The following XYLB variants were observed in gnomAD, a reference collection of about 807,000 sequenced individuals.
XYLB encodes the protein xylulokinase, also known as xylulose kinase.
In XYLB, 62 loss-of-function variants were observed where a neutral mutation model predicts 78.7. The observed-to-expected ratio is 0.79, with a 90% CI of 0.64 to 0.97. The LOEUF (loss-of-function observed/expected upper bound fraction) is 0.97. XYLB is among the 50% of genes least tolerant of loss of function. The pLI, the probability that XYLB is intolerant of heterozygous loss-of-function variation, is 0.00. For synonymous variants in XYLB, 245 were observed against 247.4 expected (o/e 0.99, Z 0.09); for missense variants, 687 against 676.8 (o/e 1.02, Z -0.17).
intron 4 of XYLB, 100 bp from the exon 5 acceptor site, chr3:38,365,099 G>A (rs1419861230): frequency 5.7e-6 from 6 of 1,047,768 alleles, no homozygotes; most frequent in South Asian, 2.8e-5. Flanking sequence ...CAGGTGTGGA[G>A]CCCAGTTCTT....
chr3:38,403,543 T>C (rs940859568), intron 18 of XYLB, among the ~76,000 whole-genome samples: 8 of 152,180 alleles, frequency 5.3e-5, no homozygotes, highest in South Asian at 2.1e-4. Flanking sequence ...GAAGGTGACA[T>C]TGGGCAGAGA....
intron 2 of XYLB, 73 bp downstream of exon 2, chr3:38,348,705 G>C: frequency 7.2e-7 from 1 of 1,387,966 alleles, no homozygotes; most frequent in East Asian, 2.3e-5. Context: ...TTTTGTATTC[G>C]CAGACCGCAC....
At chr3:38,420,775 C>A (rs1277333853), downstream of XYLB, among the ~76,000 whole-genome samples, 1 of 152,010 alleles carries the variant, frequency 6.6e-6, no homozygotes, top group African/African-American at 2.4e-5. Flanking sequence ...GTAGCAAGCC[C>A]TAACCCTGTC....
At chr3:38,391,727 C>T (rs1164911297) in intron 15 of XYLB, among the ~76,000 whole-genome samples, 2 of 152,134 alleles carry the variant, frequency 1.3e-5, no homozygotes, top group East Asian at 1.9e-4. Context: ...ATTAATGCCA[C>T]TATAAAAGTG....
At chr3:38,384,299 C>T (rs1284794885) in intron 15 of XYLB, among the ~76,000 whole-genome samples, 1 of 152,204 alleles carries the variant, frequency 6.6e-6, no homozygotes, top group Non-Finnish European at 1.5e-5. Flanking sequence ...CTTCTGACCT[C>T]AAATGATCCA....
chr3:38,388,828 G>C (rs577887780), intron 15 of XYLB, among the ~76,000 whole-genome samples: 1 of 152,152 alleles, frequency 6.6e-6, no homozygotes, highest in Admixed American at 6.5e-5. Context: ...TTTCTAAAGA[G>C]GACTATTTTG....
downstream of XYLB, among the ~76,000 whole-genome samples, chr3:38,415,946 C>A (rs1301507546): frequency 1.3e-5 from 2 of 152,060 alleles, no homozygotes; most frequent in Non-Finnish European, 2.9e-5. Flanking sequence ...AAAGAGAGAG[C>A]ATGGACGCAC....
At chr3:38,444,950 C>T in the XYLB span, among the ~76,000 whole-genome samples, 6 of 152,190 alleles carry the variant, frequency 3.9e-5, no homozygotes, top group Admixed American at 6.5e-5. Flanking sequence ...TGGCCCTTAC[C>T]GACACATTCT....
At chr3:38,418,214 G>T (rs1481479158), downstream of XYLB, among the ~76,000 whole-genome samples, 14 of 136,762 alleles carry the variant, frequency 1.0e-4, no homozygotes, top group Middle Eastern at 3.8e-3. Context: ...AAAAAAAAAA[G>T]ATATATATAT....
intron 10 of XYLB, among the ~76,000 whole-genome samples, 192 bp downstream of exon 10, chr3:38,372,928 A>C (rs1706651519): frequency 6.6e-6 from 1 of 150,770 alleles, no homozygotes; most frequent in Admixed American, 6.6e-5. Context: ...CACCACTCCC[A>C]CCCTGCGATC....
exon 18 of XYLB, among the ~76,000 whole-genome samples, chr3:38,420,157 T>C (rs1708932203): frequency 6.6e-6 from 1 of 152,198 alleles, no homozygotes; most frequent in Admixed American, 6.5e-5. Context: ...GTCTTGCAAC[T>C]TTATTAAATT....
At chr3:38,436,442 C>T in the XYLB span, among the ~76,000 whole-genome samples, 24 of 152,044 alleles carry the variant, frequency 1.6e-4, no homozygotes, top group Admixed American at 2.6e-4. Flanking sequence ...ATCTTCTTAA[C>T]AAAGAAAAAC....
chr3:38,356,059 G>A (rs1705633002), intron 2 of XYLB: 2 of 332,208 alleles, frequency 6.0e-6, no homozygotes, highest in South Asian at 6.1e-5. Flanking sequence ...AGACCATCCT[G>A]GCTAATGCAG....
At chr3:38,386,040 A>G (rs1707370844) in intron 15 of XYLB, among the ~76,000 whole-genome samples, 1 of 152,228 alleles carries the variant, frequency 6.6e-6, no homozygotes. Flanking sequence ...GTTGAAAAAC[A>G]TGAGTTCAAC....
At chr3:38,424,010 C>A (rs957836344), downstream of XYLB, among the ~76,000 whole-genome samples, 2 of 152,184 alleles carry the variant, frequency 1.3e-5, no homozygotes, top group Admixed American at 1.3e-4. Flanking sequence ...TCTAGGCATT[C>A]CTACCTCTGC....
chr3:38,354,683 A>C (rs1031706984), intron 2 of XYLB, among the ~76,000 whole-genome samples: 1 of 151,034 alleles, frequency 6.6e-6, no homozygotes, highest in African/African-American at 2.4e-5. Context: ...TTGAGTTTTT[A>C]GTGGAGACAG....
intron 15 of XYLB, among the ~76,000 whole-genome samples, chr3:38,389,066 G>C (rs1182947632): frequency 6.7e-6 from 1 of 148,436 alleles, no homozygotes; most frequent in African/African-American, 2.5e-5. Context: ...AAGGTCTCTG[G>C]TTTTCCTAGG....
At chr3:38,373,839 C>T (rs1282085323) in intron 10 of XYLB, among the ~76,000 whole-genome samples, 1 of 152,146 alleles carries the variant, frequency 6.6e-6, no homozygotes, top group African/African-American at 2.4e-5. Context: ...TGGGGCCCTT[C>T]AGCAATCAAG....
chr3:38,379,871 G>A (rs2125613491), intron 15 of XYLB, among the ~76,000 whole-genome samples: 1 of 152,292 alleles, frequency 6.6e-6, no homozygotes, highest in Admixed American at 6.5e-5. Context: ...CTGTTCCTGG[G>A]TAATTTATAA....
Sources: gnomAD v4.1 joint callset for allele counts (sites outside exome capture counted in the v4.1 genomes callset) on GRCh38, gnomAD v4.1.1 for gene constraint, MANE v1.5 for transcripts, NCBI Gene and HGNC (gene_info 2026-07-23, HGNC 2026-07-21) for gene names.